The following GLIS1 variants were observed in gnomAD, a reference collection of about 807,000 sequenced individuals.
GLIS1 encodes zinc finger protein GLIS1.
In GLIS1, 24 loss-of-function variants were observed where a neutral mutation model predicts 63.8. The ratio of observed to expected loss-of-function variants is 0.38; its 90% CI spans 0.27 to 0.53. GLIS1 has a LOEUF of 0.53. Ranked by LOEUF, GLIS1 falls within the 20% of genes least tolerant of loss-of-function variation. The pLI, the probability that GLIS1 is intolerant of heterozygous loss-of-function variation, is 0.85. For synonymous variants in GLIS1, 450 were observed against 482.5 expected (o/e 0.93, Z 0.88); for missense variants, 1,036 against 1,074.1 (o/e 0.96, Z 0.50).
intron 4 of GLIS1, among the ~76,000 whole-genome samples, chr1:53,577,925 G>A (rs1645048948): frequency 6.6e-6 from 1 of 152,098 alleles, no homozygotes. Context: ...CCTTCCCCAT[G>A]CCAGTGCCTC....
intron 4 of GLIS1, among the ~76,000 whole-genome samples, chr1:53,555,061 T>G (rs1168988079): frequency 6.6e-6 from 1 of 152,176 alleles, no homozygotes; most frequent in Non-Finnish European, 1.5e-5. Context: ...GGGACTGGCA[T>G]GTTTCAGAAA....
intron 2 of GLIS1, among the ~76,000 whole-genome samples, chr1:53,735,500 T>G (rs1440010037): frequency 1.3e-5 from 2 of 152,094 alleles, no homozygotes; most frequent in Non-Finnish European, 2.9e-5. Flanking sequence ...GGCACTGAGG[T>G]GGCCCTTGCA....
Position 53,526,893 on chromosome 1 carries a change from G to A in GLIS1, c.1483-2006C>T, listed in dbSNP as rs1047210060. 5.3e-5 allele frequency among the ~76,000 whole-genome samples: 8 copies of A among 152,240 alleles called. No homozygotes were observed. The highest frequency in any genetic ancestry group is 7.2e-5 in the African/African-American group (3 of 41,466). On this transcript the variant is annotated intron_variant, in intron 5 of 10. Transcript: ENST00000628545. This position sits in a 1 kb window ranked among gnomAD's most constrained non-coding sequence, Gnocchi z 4.4. Reference sequence around the variant, plus strand: ...CGTCCCCAGCCAGCAGCCAAGCTCCGCCTGGAATGGCCATGTGGGCTGCAG... The same window carrying A: ...CGTCCCCAGCCAGCAGCCAAGCTCCACCTGGAATGGCCATGTGGGCTGCAG...
At chr1:53,658,037 C>T (rs1380836070) in intron 2 of GLIS1, among the ~76,000 whole-genome samples, 1 of 152,092 alleles carries the variant, frequency 6.6e-6, no homozygotes, top group Non-Finnish European at 1.5e-5. Context: ...CTTGATCACC[C>T]CTCCAGCCAC....
At chr1:53,717,563 C>A (rs1193310975) in intron 2 of GLIS1, among the ~76,000 whole-genome samples, 3 of 152,124 alleles carry the variant, frequency 2.0e-5, no homozygotes, top group Non-Finnish European at 4.4e-5. Context: ...GGCAAAACCC[C>A]CACTTCACCC....
chr1:53,590,967 T>TA (rs1645187802), intron 4 of GLIS1, among the ~76,000 whole-genome samples: 1 of 152,148 alleles, frequency 6.6e-6, no homozygotes, highest in African/African-American at 2.4e-5. Flanking sequence ...GCTGCGAGAA[T>TA]GGGAGTGTTC....
intron 2 of GLIS1, among the ~76,000 whole-genome samples, chr1:53,686,503 C>A (rs1646338425): frequency 6.6e-6 from 1 of 152,180 alleles, no homozygotes; most frequent in South Asian, 2.1e-4. Flanking sequence ...TGGTTGGTGG[C>A]AGACCCTGAG....
intron 2 of GLIS1, among the ~76,000 whole-genome samples, chr1:53,631,548 A>G (rs1054315871): frequency 2.6e-5 from 4 of 152,256 alleles, no homozygotes; most frequent in Admixed American, 6.5e-5. Context: ...GGGATACAGC[A>G]GTGAATAAAA....
chr1:53,664,834 C>T (rs1056895514), intron 2 of GLIS1, among the ~76,000 whole-genome samples: 22 of 152,130 alleles, frequency 1.4e-4, no homozygotes, highest in Admixed American at 3.9e-4. Context: ...AGGGAGCATG[C>T]CAGGAGGTTT....
chr1:53,543,798 G>C (rs1257060630), intron 4 of GLIS1, among the ~76,000 whole-genome samples: 2 of 152,056 alleles, frequency 1.3e-5, no homozygotes, highest in African/African-American at 4.8e-5. Context: ...CCAGGGGTCT[G>C]AGAGGGAAGT....
At chr1:53,689,132 C>T (rs1646373871) in intron 2 of GLIS1, among the ~76,000 whole-genome samples, 1 of 152,184 alleles carries the variant, frequency 6.6e-6, no homozygotes, top group Admixed American at 6.5e-5. Context: ...GTGAAGAGAC[C>T]AGCCCAAAGG....
At chr1:53,721,282 G>A (rs1364048088) in intron 2 of GLIS1, among the ~76,000 whole-genome samples, 2 of 152,146 alleles carry the variant, frequency 1.3e-5, no homozygotes, top group African/African-American at 2.4e-5. Flanking sequence ...CTCACCAGCT[G>A]CGTAACCCTG....
intron 2 of GLIS1, among the ~76,000 whole-genome samples, chr1:53,719,586 G>A (rs575051312): frequency 2.6e-5 from 4 of 152,242 alleles, no homozygotes; most frequent in Admixed American, 6.5e-5. Flanking sequence ...CTAATACCCC[G>A]TTACACGTAG....
chr1:53,645,292 T>C (rs952858038), intron 2 of GLIS1, among the ~76,000 whole-genome samples: 1 of 152,196 alleles, frequency 6.6e-6, no homozygotes, highest in African/African-American at 2.4e-5. Context: ...TCTCCAACAC[T>C]TCCTGTCTCC....
intron 2 of GLIS1, among the ~76,000 whole-genome samples, chr1:53,700,336 G>C (rs1183905895): frequency 6.6e-6 from 1 of 152,118 alleles, no homozygotes; most frequent in African/African-American, 2.4e-5. Context: ...AGGAAACCAA[G>C]ACCTAGAGGA....
rs1474971655 is a variant in GLIS1 at position 53,598,343 on chromosome 1, G to T, written c.437+1758C>A. Among the ~76,000 whole-genome samples the T allele has an allele frequency of 3.3e-5, 5 of 152,292 alleles. No individual in the cohort carries two copies. Among genetic ancestry groups the T allele is most frequent in the Non-Finnish European group, 4.4e-5 (3 of 68,036 alleles). On this transcript the variant is annotated intron_variant, in intron 3 of 10. Transcript: ENST00000628545. This position sits in a 1 kb window ranked among gnomAD's most constrained non-coding sequence, Gnocchi z 4.6. ...GAATTGCTTGAGCCCAGGAGTTCAA[G>T]ACCAGCCCGGCCAACATGGTGAAAC...
chr1:53,616,606 T>C (rs1645484890), intron 2 of GLIS1, among the ~76,000 whole-genome samples: 1 of 152,070 alleles, frequency 6.6e-6, no homozygotes, highest in Admixed American at 6.5e-5. Flanking sequence ...GAGGGGTGTG[T>C]GGGAGACAGG....
intron 2 of GLIS1, among the ~76,000 whole-genome samples, chr1:53,718,580 C>A (rs1235724546): frequency 6.6e-6 from 1 of 152,072 alleles, no homozygotes; most frequent in Non-Finnish European, 1.5e-5. Context: ...CAAACATAAC[C>A]ACCATGCTGA....
intron 2 of GLIS1, among the ~76,000 whole-genome samples, chr1:53,636,893 G>A (rs919214842): frequency 1.3e-5 from 2 of 152,202 alleles, no homozygotes; most frequent in Non-Finnish European, 2.9e-5. Flanking sequence ...ATTACTCTGT[G>A]AGCTGCAGTG....
Sources: allele counts gnomAD v4.1 joint callset (sites outside exome capture counted in the v4.1 genomes callset), GRCh38; gene constraint gnomAD v4.1.1; non-coding constraint Gnocchi (gnomAD v3.1); transcripts MANE v1.5; gene names NCBI Gene and HGNC (gene_info 2026-07-23, HGNC 2026-07-21).